Variants in KANSL1 observed in about 807,000 individuals in gnomAD.
KANSL1 encodes the protein KAT8 regulatory NSL complex subunit 1.
In KANSL1, 22 loss-of-function variants were observed where a neutral mutation model predicts 103.6. The ratio of observed to expected loss-of-function variants is 0.21; its 90% CI spans 0.15 to 0.30. The LOEUF (loss-of-function observed/expected upper bound fraction) is 0.30. KANSL1 is among the 10% of genes least tolerant of loss of function. KANSL1 has a pLI of 1.00. For synonymous variants in KANSL1, 600 were observed against 527.6 expected (o/e 1.14, Z -1.88); for missense variants, 1,337 against 1,399.8 (o/e 0.96, Z 0.72).
chr17:46,150,826 G>C (rs557812868), intron 2 of KANSL1, among the ~76,000 whole-genome samples: 2 of 152,004 alleles, frequency 1.3e-5, no homozygotes, highest in South Asian at 4.1e-4. Flanking sequence ...TGCCTACCTG[G>C]GAAAACTAGG....
Position 46,031,054 on chromosome 17 carries a change from G to T in KANSL1, c.*422C>A, listed in dbSNP as rs182071752. On this transcript the variant is annotated 3_prime_UTR_variant, in exon 15 of 15. Transcript: ENST00000432791. ...CCAAGCCACAGATGGGAGGGGAGGGGGTAAGAGTCCAGAGCACCCTGCCCC... is the reference window on the plus strand; with the variant it reads ...CCAAGCCACAGATGGGAGGGGAGGGTGTAAGAGTCCAGAGCACCCTGCCCC... 3 of 170,912 alleles carry T rather than the reference G, an allele frequency of 1.8e-5. No homozygotes were observed. Among genetic ancestry groups the T allele is most frequent in the Admixed American group, 5.9e-5 (1 of 16,942 alleles). The allele number at this position is 170,912 out of a possible 1,614,324, so 10.6% of individuals were successfully genotyped here.
intron 1 of KANSL1, among the ~76,000 whole-genome samples, chr17:46,174,625 G>A (rs952343078): frequency 6.6e-6 from 1 of 152,246 alleles, no homozygotes; most frequent in African/African-American, 2.4e-5. Flanking sequence ...TCCAGTGAAT[G>A]TCAGGAAATC....
rs773306237 is a variant in KANSL1 at position 46,039,250 on chromosome 17, T to C, written c.2204-35A>G. On this transcript the variant is annotated intron_variant, in intron 8 of 14. Coordinates refer to ENST00000432791, the MANE Select transcript of KANSL1 (RefSeq NM_015443.4). ...GGAACAGAAAAAGAGCTGTGAAATA[T>C]GTCCTCTCAAATATTTTCTTATTCG... The C allele has an allele frequency of 6.6e-6, 10 of 1,517,714 alleles. No individual in the cohort carries two copies. The Admixed American group carries it at 1.7e-4, about 25-fold the overall frequency. 94.0% of individuals were successfully genotyped at this position (1,517,714 alleles called of 1,614,324 possible). A position where few individuals can be genotyped will look rare whatever the true frequency, so the allele number is the denominator to read the frequency against.
chr17:46,182,099 T>C (rs188909584), intron 1 of KANSL1, among the ~76,000 whole-genome samples: 2 of 152,358 alleles, frequency 1.3e-5, no homozygotes, highest in East Asian at 1.9e-4. Context: ...CACCCTTCTT[T>C]AGCGTGCTAA....
intron 4 of KANSL1, among the ~76,000 whole-genome samples, chr17:46,078,451 A>T (rs1206700953): frequency 6.6e-6 from 1 of 152,168 alleles, no homozygotes; most frequent in Non-Finnish European, 1.5e-5. Flanking sequence ...GCTCAAATAG[A>T]TTGTGGGCCT....
In KANSL1 at chr17:46,218,699, C is replaced by T. The variant is rs185743523; in HGVS notation, c.-90+4972G>A. On this transcript the variant is annotated intron_variant, in intron 1 of 14. Coordinates refer to the KANSL1 transcript ENST00000572904. Reference sequence around the variant, plus strand: ...TTGAGAGGCTGAGGCAGGAGAATTGCTTGAACTCAGGAGACACAGGTTGCA... The same window carrying T: ...TTGAGAGGCTGAGGCAGGAGAATTGTTTGAACTCAGGAGACACAGGTTGCA... Among the ~76,000 whole-genome samples the T allele has an allele frequency of 3.3e-5, 5 of 152,028 alleles. No individual in the cohort carries two copies. The East Asian group carries it at 7.8e-4, about 24-fold the overall frequency.
At chr17:46,041,604 G>A (rs956971156) in intron 7 of KANSL1, 1 of 152,122 alleles carries the variant, frequency 6.6e-6, no homozygotes, top group Non-Finnish European at 1.5e-5. Context: ...GAGAGGACAG[G>A]AAAGGAAAAT....
At chr17:46,068,522 T>C (rs1375407092) in intron 4 of KANSL1, among the ~76,000 whole-genome samples, 1 of 152,054 alleles carries the variant, frequency 6.6e-6, no homozygotes, top group Non-Finnish European at 1.5e-5. Flanking sequence ...TGAGCCATGA[T>C]CATGCCACTG....
chr17:46,036,639 G>A (rs1018127814), intron 10 of KANSL1, among the ~76,000 whole-genome samples: 2 of 152,064 alleles, frequency 1.3e-5, no homozygotes, highest in Non-Finnish European at 2.9e-5. Flanking sequence ...AATAGCTTTT[G>A]CTATCTATGG....
At chr17:46,183,970 G>A (rs986123284) in intron 1 of KANSL1, among the ~76,000 whole-genome samples, 4 of 152,164 alleles carry the variant, frequency 2.6e-5, no homozygotes, top group Non-Finnish European at 5.9e-5. Flanking sequence ...ACTACTTCAA[G>A]CATCCCATAT....
chr17:46,155,755 TA>T (rs112992686), intron 2 of KANSL1, among the ~76,000 whole-genome samples: 193 of 148,402 alleles, frequency 1.3e-3, no homozygotes, highest in African/African-American at 1.9e-3. Context: ...TACAGTCTAT[TA>T]AAAAAAAAAA....
At position 46,031,034 on chromosome 17, in the gene KANSL1, C is replaced by T. The variant is rs144386890; in HGVS notation, c.*442G>A. The T allele has an allele frequency of 3.0e-5, 5 of 164,546 alleles. No homozygotes were observed. The East Asian group carries it at 8.6e-4, about 28-fold the overall frequency. The allele number at this position is 164,546 out of a possible 1,614,324, so 10.2% of individuals were successfully genotyped here. The stretch of plus-strand genomic sequence containing the variant: ...CCAGGAGGGCCACAGCAGAGCCAAG[C>T]CACAGATGGGAGGGGAGGGGGTAAG... On this transcript the variant is annotated 3_prime_UTR_variant, in exon 15 of 15. Transcript: ENST00000432791.
intron 2 of KANSL1, among the ~76,000 whole-genome samples, chr17:46,159,294 G>A (rs1460880657): frequency 6.6e-6 from 1 of 152,182 alleles, no homozygotes; most frequent in Admixed American, 6.5e-5. Context: ...TAAAAGTGAG[G>A]AACTCGAGCC....
At chr17:46,127,856 C>G (rs1024668766) in intron 2 of KANSL1, among the ~76,000 whole-genome samples, 19 of 152,260 alleles carry the variant, frequency 1.2e-4, no homozygotes, top group African/African-American at 3.6e-4. Context: ...AAAGCATTTC[C>G]TACACCAGTT....
intron 6 of KANSL1, among the ~76,000 whole-genome samples, chr17:46,060,292 CAT>C (rs1229190357): frequency 6.6e-6 from 1 of 152,218 alleles, no homozygotes. Flanking sequence ...CCACTGTTAA[CAT>C]GTGGAAAGAT....
chr17:46,220,368 C>T (rs372927824), intron 1 of KANSL1, among the ~76,000 whole-genome samples: 13 of 151,914 alleles, frequency 8.6e-5, no homozygotes, highest in African/African-American at 2.7e-4. Flanking sequence ...AGGCGCCTGC[C>T]ACCACGCCCA....
chr17:46,162,613 A>T (rs1391160249), intron 2 of KANSL1, among the ~76,000 whole-genome samples: 1 of 152,128 alleles, frequency 6.6e-6, no homozygotes, highest in Non-Finnish European at 1.5e-5. Flanking sequence ...CATCACCCCT[A>T]CTTCCAATAA....
At chr17:46,189,747 T>C (rs1329441895) in intron 1 of KANSL1, among the ~76,000 whole-genome samples, 3 of 151,984 alleles carry the variant, frequency 2.0e-5, no homozygotes, top group Non-Finnish European at 4.4e-5. Flanking sequence ...TAGCTGGGCA[T>C]GGTGGCACAC....
At chr17:46,174,026 C>T (rs375505080) in intron 1 of KANSL1, among the ~76,000 whole-genome samples, 2 of 152,226 alleles carry the variant, frequency 1.3e-5, no homozygotes, top group South Asian at 2.1e-4. Flanking sequence ...CATTTCCTTG[C>T]AAATGAACAA....
Sources: gnomAD v4.1 joint callset for allele counts (sites outside exome capture counted in the v4.1 genomes callset) on GRCh38, gnomAD v4.1.1 for gene constraint, MANE v1.5 for transcripts, NCBI Gene and HGNC (gene_info 2026-07-23, HGNC 2026-07-21) for gene names.